Variants in MAGI1 observed in about 807,000 individuals in gnomAD.
The protein encoded by MAGI1 is membrane-associated guanylate kinase, WW and PDZ domain-containing protein 1.
A neutral mutation model predicts 139.9 loss-of-function variants in MAGI1; 58 were observed. That is an observed-to-expected ratio of 0.41 (90% confidence interval 0.34 to 0.52). The LOEUF (loss-of-function observed/expected upper bound fraction) is 0.52. Ranked by LOEUF, MAGI1 falls within the 20% of genes least tolerant of loss-of-function variation. The pLI, the probability that MAGI1 is intolerant of heterozygous loss-of-function variation, is 0.12. For synonymous variants in MAGI1, 812 were observed against 737.9 expected (o/e 1.10, Z -1.63); for missense variants, 1,874 against 1,901.6 (o/e 0.99, Z 0.27).
chr3:65,711,028 A>C (rs1464759454), intron 1 of MAGI1, among the ~76,000 whole-genome samples: 1 of 152,172 alleles, frequency 6.6e-6, no homozygotes, highest in Non-Finnish European at 1.5e-5. Flanking sequence ...CATAGCCTCT[A>C]TGAAGACAAT....
At chr3:65,593,915 G>A (rs1576422260) in intron 2 of MAGI1, among the ~76,000 whole-genome samples, 1 of 152,128 alleles carries the variant, frequency 6.6e-6, no homozygotes, top group Admixed American at 6.5e-5. Flanking sequence ...GCCCTTTCAG[G>A]TCAGATAATC....
chr3:65,639,721 A>G (rs2084873785), intron 1 of MAGI1, among the ~76,000 whole-genome samples: 1 of 152,122 alleles, frequency 6.6e-6, no homozygotes, highest in Admixed American at 6.6e-5. Flanking sequence ...ATTACTTTCC[A>G]GCCAGGTGCG....
intron 1 of MAGI1, among the ~76,000 whole-genome samples, chr3:65,730,970 A>G (rs2034128807): frequency 6.6e-6 from 1 of 151,792 alleles, no homozygotes; most frequent in Non-Finnish European, 1.5e-5. Context: ...TGCCAAATTC[A>G]ATGAAAAGAA....
intron 1 of MAGI1, among the ~76,000 whole-genome samples, chr3:65,746,886 C>T (rs1220850139): frequency 1.3e-5 from 2 of 152,194 alleles, no homozygotes; most frequent in African/African-American, 4.8e-5. Context: ...CATCTCTGGC[C>T]TTGGGGAACT....
At chr3:65,890,092 G>A (rs975819858) in intron 1 of MAGI1, among the ~76,000 whole-genome samples, 5 of 149,684 alleles carry the variant, frequency 3.3e-5, no homozygotes, top group East Asian at 2.0e-4. Flanking sequence ...CCGGCCAGTC[G>A]CGGTGGCTCA....
chr3:65,476,351 A>G (rs1353729307), intron 4 of MAGI1, among the ~76,000 whole-genome samples: 1 of 152,170 alleles, frequency 6.6e-6, no homozygotes, highest in East Asian at 1.9e-4. Context: ...CGTGAGGAAC[A>G]CAATCAGGTG....
intron 1 of MAGI1, among the ~76,000 whole-genome samples, chr3:65,971,464 C>G (rs1262592205): frequency 6.6e-6 from 1 of 152,158 alleles, no homozygotes; most frequent in Non-Finnish European, 1.5e-5. Context: ...CTTCAGGCCT[C>G]AACATTCTCG....
intron 3 of MAGI1, among the ~76,000 whole-genome samples, chr3:65,479,100 T>C (rs1229154963): frequency 6.6e-6 from 1 of 152,180 alleles, no homozygotes; most frequent in Non-Finnish European, 1.5e-5. Flanking sequence ...GAATATCAAT[T>C]GGTCATCTTT....
intron 1 of MAGI1, among the ~76,000 whole-genome samples, chr3:65,913,467 C>T (rs1306017888): frequency 6.6e-6 from 1 of 152,056 alleles, no homozygotes; most frequent in Non-Finnish European, 1.5e-5. Context: ...GGAGAGGCAA[C>T]CCCAAAGTAT....
At chr3:65,566,588 G>A (rs1276032360) in intron 2 of MAGI1, among the ~76,000 whole-genome samples, 1 of 152,168 alleles carries the variant, frequency 6.6e-6, no homozygotes, top group Admixed American at 6.5e-5. Flanking sequence ...ATACTCAGAA[G>A]TCAGTTTTCC....
intron 2 of MAGI1, among the ~76,000 whole-genome samples, chr3:65,517,602 T>C (rs940131173): frequency 2.6e-5 from 4 of 152,228 alleles, no homozygotes; most frequent in East Asian, 1.9e-4. Context: ...CCTGTCAGTA[T>C]GTCCCCAGCA....
intron 2 of MAGI1, among the ~76,000 whole-genome samples, chr3:65,502,680 G>A (rs1231897005): frequency 1.3e-5 from 2 of 152,132 alleles, no homozygotes; most frequent in African/African-American, 2.4e-5. Flanking sequence ...CTTTTTACAT[G>A]GGGCATTAAT....
At chr3:65,682,536 C>T (rs1330210890) in intron 1 of MAGI1, among the ~76,000 whole-genome samples, 1 of 152,282 alleles carries the variant, frequency 6.6e-6, no homozygotes, top group East Asian at 1.9e-4. Flanking sequence ...CATTGACCTG[C>T]CTCTCACACT....
chr3:65,377,909 G>A (rs544069796), intron 17 of MAGI1, among the ~76,000 whole-genome samples: 1 of 152,296 alleles, frequency 6.6e-6, no homozygotes, highest in African/African-American at 2.4e-5. Flanking sequence ...AGGATTAAAT[G>A]GAGGCCAAGT....
chr3:65,460,240 C>T (rs980979910), intron 5 of MAGI1, among the ~76,000 whole-genome samples: 4 of 152,188 alleles, frequency 2.6e-5, no homozygotes, highest in Non-Finnish European at 5.9e-5. Flanking sequence ...TAGAACAATT[C>T]CCACTTGATC....
chr3:65,958,872 A>G (rs983982600), intron 1 of MAGI1, among the ~76,000 whole-genome samples: 3 of 152,142 alleles, frequency 2.0e-5, no homozygotes, highest in African/African-American at 7.2e-5. Flanking sequence ...CTGTAATCCC[A>G]GCTCCTGGGG....
intron 18 of MAGI1, among the ~76,000 whole-genome samples, chr3:65,372,922 G>A (rs907132313): frequency 1.3e-5 from 2 of 152,194 alleles, no homozygotes; most frequent in Non-Finnish European, 2.9e-5. Flanking sequence ...AGGGAATGTT[G>A]TGGCTGGTTT....
At chr3:65,622,619 G>A (rs1852053) in intron 1 of MAGI1, among the ~76,000 whole-genome samples, 110,015 of 151,834 alleles carry the variant, frequency 0.72, 40,421 homozygotes, top group Non-Finnish European at 0.76. Flanking sequence ...GCTGGAGTGC[G>A]ATGGCGCGAT....
intron 1 of MAGI1, among the ~76,000 whole-genome samples, chr3:65,768,564 A>G (rs1203944104): frequency 2.6e-5 from 4 of 152,226 alleles, no homozygotes; most frequent in African/African-American, 9.7e-5. Context: ...ATTGAAATCA[A>G]ATAGCAGAAA....
Sources: allele counts gnomAD v4.1 joint callset (sites outside exome capture counted in the v4.1 genomes callset), GRCh38; gene constraint gnomAD v4.1.1; transcripts MANE v1.5; gene names NCBI Gene and HGNC (gene_info 2026-07-23, HGNC 2026-07-21).